The following SLC1A2 variants were observed in gnomAD, a reference collection of about 807,000 sequenced individuals.
The protein encoded by SLC1A2 is excitatory amino acid transporter 2.
Under a neutral mutation model 48.8 loss-of-function variants are expected in SLC1A2, and 15 were observed. The ratio of observed to expected loss-of-function variants is 0.31; its 90% CI spans 0.21 to 0.47. SLC1A2 has a LOEUF of 0.47. SLC1A2 is among the 20% of genes least tolerant of loss of function. The pLI is 0.99. For synonymous variants in SLC1A2, 279 were observed against 272.6 expected, an observed-to-expected ratio of 1.02 and a Z score of -0.23; for missense variants, 502 against 730.5, an observed-to-expected ratio of 0.69 and a Z score of 3.61.
intron 8 of SLC1A2, chr11:35,285,381 T>A (rs190708401): frequency 2.0e-5 from 3 of 152,204 alleles, no homozygotes; most frequent in Admixed American, 6.5e-5. Context: ...GAGTCCGCCA[T>A]CTCAGAGGAA....
Position 35,407,681 on chromosome 11 carries a change from G to A in SLC1A2, c.17+11269C>T, listed in dbSNP as rs141275805. 1.8e-3 allele frequency among the ~76,000 whole-genome samples: 273 copies of A among 152,300 alleles called. 1 individual carries two copies. The Middle Eastern group carries it at 0.02, about 11-fold the overall frequency. On this transcript the variant is annotated intron_variant, in intron 1 of 10. Coordinates refer to ENST00000278379, the MANE Select transcript of SLC1A2 (RefSeq NM_004171.4). ...GCCTTGAAATTGACTAATCCAATGA[G>A]TACTTTTCAGTCCTTCCACGATTTG... is the stretch of plus-strand genomic sequence containing the variant.
In SLC1A2 at chr11:35,312,014, A is replaced by C. The variant is rs1364226250; in HGVS notation, c.561+184T>G. On this transcript the variant is annotated intron_variant, in intron 4 of 10. Transcript: ENST00000278379. The stretch of plus-strand genomic sequence containing the variant: ...AAAAAAGGGATGTTTAAAAAAATTA[A>C]AACCAGGAGACTCCAATCCCAAGAT... The C allele has an allele frequency of 1.3e-5, 7 of 536,146 alleles. No individual in the cohort carries two copies. In the African/African-American group the frequency reaches 1.3e-4, roughly 10 times the overall value. The allele number at this position is 536,146 out of a possible 1,614,324, so 33.2% of individuals were successfully genotyped here.
chr11:35,359,176 G>A (rs538841853), intron 1 of SLC1A2, among the ~76,000 whole-genome samples: 1 of 152,144 alleles, frequency 6.6e-6, no homozygotes, highest in Non-Finnish European at 1.5e-5. Flanking sequence ...CAGGGAAATG[G>A]CAGAGCTGCA....
chr11:35,317,658 G>A (rs192723184), intron 1 of SLC1A2, 142 bp from the exon 2 acceptor site: 1 of 993,268 alleles, frequency 1.0e-6, no homozygotes, highest in African/African-American at 1.6e-5. Context: ...GTGACTCAGG[G>A]TCACCTATAA....
intron 2 of SLC1A2, chr11:35,317,033 C>A: frequency 4.5e-6 from 1 of 223,416 alleles, no homozygotes. Flanking sequence ...GGTCCATGGA[C>A]CAATGCTTTG....
In SLC1A2 at chr11:35,278,074, C is replaced by T. The variant is rs376291930; in HGVS notation, c.1421+2793G>A. ...GAATAACCAAGCTAGCAGGTAGGGA[C>T]GCCACTACCACCACCTGAGAGACTG... On this transcript the variant is annotated intron_variant, in intron 9 of 10. Transcript: ENST00000278379. Among the ~76,000 whole-genome samples the T allele has an allele frequency of 5.3e-5, 8 of 152,174 alleles. No homozygotes were observed. In the East Asian group the frequency reaches 5.8e-4, roughly 11 times the overall value.
intron 9 of SLC1A2, among the ~76,000 whole-genome samples, chr11:35,272,709 C>A (rs1850315581): frequency 6.6e-6 from 1 of 152,180 alleles, no homozygotes; most frequent in Admixed American, 6.5e-5. Flanking sequence ...TGGTAAAAGA[C>A]AACTTTTAGA....
rs1849316655 is a variant in SLC1A2, at chr11:35,339,764, A to G, written c.18-22248T>C. On this transcript the variant is annotated intron_variant, in intron 1 of 10. Transcript: ENST00000278379. ...ATGTATAATTGTATATATAGAGATT[A>G]CAAGTAATATTTCTGGAAAGATCAC... is the stretch of plus-strand genomic sequence containing the variant. Among the ~76,000 whole-genome samples the G allele has an allele frequency of 2.0e-5, 3 of 152,252 alleles. No individual in the cohort carries two copies. The South Asian group carries it at 6.2e-4, about 31-fold the overall frequency.
At chr11:35,374,908 T>C (rs1854177504) in intron 1 of SLC1A2, among the ~76,000 whole-genome samples, 1 of 152,224 alleles carries the variant, frequency 6.6e-6, no homozygotes, top group Admixed American at 6.5e-5. Flanking sequence ...TACATGTGTA[T>C]AGTCAGTTCT....
At chr11:35,268,672 AAAAG>A (rs1193488345) in intron 9 of SLC1A2, among the ~76,000 whole-genome samples, 5 of 152,028 alleles carry the variant, frequency 3.3e-5, no homozygotes, top group African/African-American at 1.2e-4. Context: ...CAAAAAAAAA[AAAAG>A]AAAGAAAGAA....
chr11:35,333,827 AT>A (rs373988431), intron 1 of SLC1A2, among the ~76,000 whole-genome samples: 9,104 of 125,978 alleles, frequency 0.072, 234 homozygotes, highest in African/African-American at 0.1. Flanking sequence ...ATGCCAGCTA[AT>A]TTTTTTTTTT....
intron 1 of SLC1A2, among the ~76,000 whole-genome samples, chr11:35,348,087 A>G (rs1853105684): frequency 6.6e-6 from 1 of 152,224 alleles, no homozygotes; most frequent in East Asian, 1.9e-4. Flanking sequence ...GAAAGTGCCC[A>G]GCCCACAGAC....
At chr11:35,339,084 G>A (rs1238073929) in intron 1 of SLC1A2, among the ~76,000 whole-genome samples, 1 of 152,218 alleles carries the variant, frequency 6.6e-6, no homozygotes, top group East Asian at 1.9e-4. Flanking sequence ...ACCCAGTAGA[G>A]TACTGGCTTC....
At chr11:35,350,187 C>T (rs999441343) in intron 1 of SLC1A2, among the ~76,000 whole-genome samples, 5 of 152,228 alleles carry the variant, frequency 3.3e-5, no homozygotes, top group African/African-American at 1.2e-4. Context: ...CAGACTAAAA[C>T]TTAAACAACA....
At chr11:35,337,676 A>T (rs1391773301) in intron 1 of SLC1A2, among the ~76,000 whole-genome samples, 1 of 152,142 alleles carries the variant, frequency 6.6e-6, no homozygotes, top group Non-Finnish European at 1.5e-5. Context: ...AAGGTTGCAG[A>T]AGAAACAGCT....
At chr11:35,418,852 C>T in intron 1 of SLC1A2, 98 bp downstream of exon 1, 1 of 1,127,804 alleles carries the variant, frequency 8.9e-7, no homozygotes, top group Non-Finnish European at 1.3e-6. Flanking sequence ...ACCTCCGAGG[C>T]CCGCCGCCGC....
intron 1 of SLC1A2, among the ~76,000 whole-genome samples, chr11:35,363,778 G>A (rs1157927598): frequency 6.6e-6 from 1 of 152,182 alleles, no homozygotes; most frequent in Non-Finnish European, 1.5e-5. Flanking sequence ...GGAAGAAAAT[G>A]ATATCTGGGT....
At chr11:35,420,399 A>G (rs1178923555), upstream of SLC1A2, 1 of 152,234 alleles carries the variant, frequency 6.6e-6, no homozygotes, top group Non-Finnish European at 1.5e-5. Context: ...GCAGGAACCT[A>G]GGGTCCCACT....
intron 1 of SLC1A2, among the ~76,000 whole-genome samples, chr11:35,348,802 A>G (rs906215761): frequency 6.7e-5 from 10 of 149,728 alleles, no homozygotes; most frequent in Non-Finnish European, 1.5e-4. Flanking sequence ...CTGAGGTGGG[A>G]GAATTGCTTG....
Sources: gnomAD v4.1 joint callset for allele counts (sites outside exome capture counted in the v4.1 genomes callset) on GRCh38, gnomAD v4.1.1 for gene constraint, MANE v1.5 for transcripts, NCBI Gene and HGNC (gene_info 2026-07-23, HGNC 2026-07-21) for gene names.